CCDC178: variants seen among roughly 807,000 people sequenced by gnomAD.
CCDC178 encodes coiled-coil domain-containing protein 178.
A neutral mutation model predicts 117.4 loss-of-function variants in CCDC178; 126 were observed. The ratio of observed to expected loss-of-function variants is 1.07; its 90% CI spans 0.93 to 1.24. The LOEUF is 1.24. Ranked by LOEUF, CCDC178 falls within the 50% of genes most tolerant of loss-of-function variation. The probability of loss-of-function intolerance (pLI) is 0.00; values close to 1 mark genes in which losing one functional copy is unlikely to be tolerated. For synonymous variants in CCDC178, 283 were observed against 313.4 expected (o/e 0.90, Z 1.02); for missense variants, 1,030 against 986.9 (o/e 1.04, Z -0.59).
intron 20 of CCDC178, among the ~76,000 whole-genome samples, chr18:33,199,574 T>A (rs1468648725): frequency 6.6e-6 from 1 of 152,226 alleles, no homozygotes; most frequent in Non-Finnish European, 1.5e-5. Flanking sequence ...TAACTTGTTG[T>A]CATCTGGAAT....
At chr18:33,233,774 C>G (rs1049108665) in intron 15 of CCDC178, among the ~76,000 whole-genome samples, 2 of 151,906 alleles carry the variant, frequency 1.3e-5, no homozygotes, top group African/African-American at 4.8e-5. Context: ...GATGAGAAAC[C>G]TAGACTAAGA....
At chr18:33,330,364 T>C (rs1377298779) in intron 10 of CCDC178, among the ~76,000 whole-genome samples, 2 of 152,148 alleles carry the variant, frequency 1.3e-5, no homozygotes, top group Non-Finnish European at 2.9e-5. Context: ...TTCCCTTGCA[T>C]TGTACACCCA....
chr18:32,975,135 T>G (rs989884124), intron 21 of CCDC178, among the ~76,000 whole-genome samples: 8 of 152,194 alleles, frequency 5.3e-5, no homozygotes, highest in African/African-American at 1.9e-4. Context: ...TCACTGCTTT[T>G]TTTCCTCATA....
At chr18:32,993,169 A>G (rs2055429640) in intron 21 of CCDC178, among the ~76,000 whole-genome samples, 1 of 150,910 alleles carries the variant, frequency 6.6e-6, no homozygotes, top group East Asian at 2.0e-4. Context: ...CTGTCTGAAG[A>G]AAAAAAAAAT....
intron 22 of CCDC178, among the ~76,000 whole-genome samples, chr18:32,962,460 C>A (rs923581889): frequency 2.6e-5 from 4 of 152,026 alleles, no homozygotes; most frequent in African/African-American, 9.7e-5. Flanking sequence ...CAATTCTCTC[C>A]ACTTTCATGT....
intron 20 of CCDC178, among the ~76,000 whole-genome samples, chr18:33,183,866 C>G (rs1490158070): frequency 6.6e-6 from 1 of 152,074 alleles, no homozygotes; most frequent in Non-Finnish European, 1.5e-5. Context: ...CTTTAGGAAG[C>G]AACAGAACTT....
In CCDC178 at chr18:33,362,315, A is replaced by G. The variant is rs553188598; in HGVS notation, c.349-5969T>C. Among the ~76,000 whole-genome samples the G allele has an allele frequency of 2.6e-5, 4 of 151,930 alleles. No homozygotes were observed. In the East Asian group the frequency reaches 7.8e-4, roughly 30 times the overall value. On this transcript the variant is annotated intron_variant, in intron 6 of 22. Transcript: ENST00000383096. Reference sequence around the variant, plus strand: ...TAAGGCAGACACAGAAAAATGTTGCATGACCTTACTTACATGTGGAATATA... The same window carrying G: ...TAAGGCAGACACAGAAAAATGTTGCGTGACCTTACTTACATGTGGAATATA...
At chr18:33,079,123 C>T (rs946794036) in intron 21 of CCDC178, among the ~76,000 whole-genome samples, 1 of 152,040 alleles carries the variant, frequency 6.6e-6, no homozygotes, top group Non-Finnish European at 1.5e-5. Context: ...AATAAGGCTG[C>T]ATATCAACAA....
intron 20 of CCDC178, among the ~76,000 whole-genome samples, chr18:33,201,141 A>C (rs1011394070): frequency 6.6e-6 from 1 of 152,210 alleles, no homozygotes; most frequent in African/African-American, 2.4e-5. Context: ...AGCATTCACC[A>C]AGTGAAATGC....
chr18:33,264,932 T>C lies in CCDC178; in HGVS notation c.1409+1984A>G, dbSNP rs537643895. On this transcript the variant is annotated intron_variant, in intron 14 of 22. Transcript: ENST00000383096. ...TGTGTGTTACTGCAGAATAATCTAA[T>C]AAGTGCCTGCTGTCACACACTCTCC... Among the ~76,000 whole-genome samples, 4 of 152,190 alleles carry C rather than the reference T, an allele frequency of 2.6e-5. No homozygotes were observed. The South Asian group carries it at 8.3e-4, about 32-fold the overall frequency.
rs1040654242 is a variant in CCDC178, at chr18:33,417,133, T to C, written c.-22-5023A>G. 3.3e-5 allele frequency among the ~76,000 whole-genome samples: 5 copies of C among 152,174 alleles called. No homozygotes were observed. In the South Asian group the frequency reaches 8.3e-4, roughly 25 times the overall value. ...ATCCCAGATAACATTTTCATTCAGA[T>C]TGTACATGAATATTCTTAGCAGTTT... On this transcript the variant is annotated intron_variant, in intron 2 of 22. Transcript: ENST00000383096.
chr18:33,262,067 A>G lies in CCDC178; in HGVS notation c.1409+4849T>C, dbSNP rs147528453. On this transcript the variant is annotated intron_variant, in intron 14 of 22. Coordinates refer to ENST00000383096, the MANE Select transcript of CCDC178 (RefSeq NM_001105528.4). ...ATAGGGTCTATAAAGGCCATTAACT[A>G]TATTTATTGATTCTGCCCTATCAGA... Among the ~76,000 whole-genome samples the G allele has an allele frequency of 2.0e-3, 311 of 152,272 alleles. 2 individuals carry two copies. The highest frequency in any genetic ancestry group is 9.3e-3 in the South Asian group (45 of 4,826).
intron 21 of CCDC178, among the ~76,000 whole-genome samples, chr18:33,036,885 G>A (rs2056455000): frequency 6.6e-6 from 1 of 151,860 alleles, no homozygotes; most frequent in East Asian, 1.9e-4. Flanking sequence ...TATAAACTAG[G>A]ATAATAATTA....
chr18:33,035,003 C>T (rs1400624513), intron 21 of CCDC178, among the ~76,000 whole-genome samples: 1 of 151,856 alleles, frequency 6.6e-6, no homozygotes, highest in Non-Finnish European at 1.5e-5. Flanking sequence ...AGAGCAATTA[C>T]TTAAAAGGCA....
At chr18:33,350,379 C>T (rs2062959239) in intron 7 of CCDC178, among the ~76,000 whole-genome samples, 1 of 152,094 alleles carries the variant, frequency 6.6e-6, no homozygotes, top group African/African-American at 2.4e-5. Flanking sequence ...CATCCCATCT[C>T]ATTCCAATAT....
intron 2 of CCDC178, among the ~76,000 whole-genome samples, chr18:33,434,857 GA>G (rs560357297): frequency 5.3e-5 from 8 of 151,976 alleles, no homozygotes; most frequent in African/African-American, 1.7e-4. Flanking sequence ...AAGGAAGAGG[GA>G]AAAAATATTT....
chr18:33,317,034 C>T (rs1599150959), intron 11 of CCDC178, among the ~76,000 whole-genome samples: 1 of 152,120 alleles, frequency 6.6e-6, no homozygotes, highest in African/African-American at 2.4e-5. Flanking sequence ...ATGGACTAAT[C>T]AGCAGGATGT....
intron 21 of CCDC178, among the ~76,000 whole-genome samples, chr18:33,052,953 A>C (rs1359686623): frequency 6.6e-6 from 1 of 152,202 alleles, no homozygotes; most frequent in African/African-American, 2.4e-5. Context: ...ATATATAGAA[A>C]CTTTCCACCC....
intron 20 of CCDC178, among the ~76,000 whole-genome samples, chr18:33,156,372 G>T (rs2058396988): frequency 6.6e-6 from 1 of 151,200 alleles, no homozygotes; most frequent in African/African-American, 2.4e-5. Context: ...ACAGGTGTGA[G>T]CCACCGCACC....
Sources: allele counts gnomAD v4.1 joint callset (sites outside exome capture counted in the v4.1 genomes callset), GRCh38; gene constraint gnomAD v4.1.1; transcripts MANE v1.5; gene names NCBI Gene and HGNC (gene_info 2026-07-23, HGNC 2026-07-21).